Variants in SCMH1 observed in about 807,000 individuals in gnomAD.
SCMH1 encodes the protein polycomb protein SCMH1.
Under a neutral mutation model 70.8 loss-of-function variants are expected in SCMH1, and 37 were observed. That is an observed-to-expected ratio of 0.52 (90% CI 0.40 to 0.69). The LOEUF is 0.69. Among genes scored for constraint, SCMH1 ranks in the 30% least tolerant of loss-of-function variants. The probability of loss-of-function intolerance (pLI) is 0.00; values close to 1 mark genes in which losing one functional copy is unlikely to be tolerated. For synonymous variants in SCMH1, 292 were observed against 307.4 expected, an observed-to-expected ratio of 0.95 and a Z score of 0.52; for missense variants, 607 against 827.3, an observed-to-expected ratio of 0.73 and a Z score of 3.27.
At chr1:41,106,021 C>A (rs558051385) in intron 8 of SCMH1, among the ~76,000 whole-genome samples, 114 of 151,634 alleles carry the variant, frequency 7.5e-4, no homozygotes, top group Non-Finnish European at 1.3e-3. Context: ...ATTACAGGTG[C>A]ACGCCACCAT....
chr1:41,234,829 T>TTC (rs974311711), intron 1 of SCMH1, among the ~76,000 whole-genome samples: 2 of 152,102 alleles, frequency 1.3e-5, no homozygotes, highest in African/African-American at 4.8e-5. Flanking sequence ...TCAAAAGTCA[T>TTC]TCTCTCTCTC....
At chr1:41,129,122 G>A (rs1557574088) in intron 6 of SCMH1, among the ~76,000 whole-genome samples, 1 of 151,972 alleles carries the variant, frequency 6.6e-6, no homozygotes, top group African/African-American at 2.4e-5. Flanking sequence ...TCTATAATCT[G>A]TGTTATTTCT....
At chr1:41,239,033 T>C (rs537710752) in intron 1 of SCMH1, among the ~76,000 whole-genome samples, 1 of 152,306 alleles carries the variant, frequency 6.6e-6, no homozygotes, top group South Asian at 2.1e-4. Context: ...GATTCATTTC[T>C]TTCTCTTCAT....
intron 1 of SCMH1, among the ~76,000 whole-genome samples, chr1:41,201,968 G>A: frequency 6.6e-6 from 1 of 152,142 alleles, no homozygotes; most frequent in Non-Finnish European, 1.5e-5. Context: ...GAACTAGCAG[G>A]AACCAAGAGG....
intron 4 of SCMH1, among the ~76,000 whole-genome samples, chr1:41,159,295 A>G (rs1265692782): frequency 6.6e-6 from 1 of 152,214 alleles, no homozygotes; most frequent in Non-Finnish European, 1.5e-5. Flanking sequence ...GATATACTCT[A>G]TGTTAAATTG....
At chr1:41,101,254 T>A (rs1205850482) in intron 8 of SCMH1, among the ~76,000 whole-genome samples, 1 of 152,200 alleles carries the variant, frequency 6.6e-6, no homozygotes, top group Non-Finnish European at 1.5e-5. Context: ...TTAAAAGTGC[T>A]CCTTTGGGAG....
intron 9 of SCMH1, among the ~76,000 whole-genome samples, chr1:41,071,025 A>G (rs1656290943): frequency 1.3e-5 from 2 of 152,184 alleles, no homozygotes; most frequent in Non-Finnish European, 1.5e-5. Flanking sequence ...TTGGGCAGAC[A>G]AAAGCAAAAT....
chr1:41,130,798 C>T (rs1220479812), intron 6 of SCMH1, among the ~76,000 whole-genome samples: 1 of 152,168 alleles, frequency 6.6e-6, no homozygotes, highest in Non-Finnish European at 1.5e-5. Context: ...ACTCCCCATC[C>T]CCACTTCAAG....
intron 10 of SCMH1, among the ~76,000 whole-genome samples, chr1:41,057,780 A>G (rs1352743586): frequency 1.3e-5 from 2 of 152,170 alleles, no homozygotes; most frequent in Non-Finnish European, 2.9e-5. Context: ...GAGAGATGGA[A>G]ATTCCAAGAA....
chr1:41,134,655 A>T (rs1642979333), intron 6 of SCMH1, among the ~76,000 whole-genome samples: 1 of 152,194 alleles, frequency 6.6e-6, no homozygotes, highest in African/African-American at 2.4e-5. Context: ...ATTTTGACAA[A>T]GTCTACTCTA....
chr1:41,168,566 A>T (rs1460920225), intron 2 of SCMH1, among the ~76,000 whole-genome samples: 1 of 147,696 alleles, frequency 6.8e-6, no homozygotes, highest in Non-Finnish European at 1.5e-5. Flanking sequence ...GAACATCTTT[A>T]TAACCATTAT....
chr1:41,119,465 C>T (rs1304584567), intron 6 of SCMH1, among the ~76,000 whole-genome samples: 1 of 151,910 alleles, frequency 6.6e-6, no homozygotes, highest in Non-Finnish European at 1.5e-5. Context: ...AAAAAAAACC[C>T]CACCGTAACT....
At chr1:41,196,443 G>A (rs1653042204) in intron 1 of SCMH1, among the ~76,000 whole-genome samples, 1 of 152,070 alleles carries the variant, frequency 6.6e-6, no homozygotes, top group Non-Finnish European at 1.5e-5. Flanking sequence ...CATTTAATGG[G>A]AAAAGGACAC....
At chr1:41,158,889 A>G (rs1645789526) in intron 4 of SCMH1, among the ~76,000 whole-genome samples, 2 of 152,204 alleles carry the variant, frequency 1.3e-5, no homozygotes, top group African/African-American at 4.8e-5. Context: ...AAAATAGGCT[A>G]ACCCTGTTTC....
chr1:41,143,070 A>G (rs767050726), exon 6 of SCMH1: 15 of 1,613,952 alleles, frequency 9.3e-6, no homozygotes, highest in African/African-American at 1.3e-5. Flanking sequence ...TGTGCTTCCA[A>G]TTTCATACTG....
chr1:41,237,927 A>G (rs1388285534), intron 1 of SCMH1, among the ~76,000 whole-genome samples: 3 of 152,234 alleles, frequency 2.0e-5, no homozygotes, highest in Non-Finnish European at 4.4e-5. Context: ...TAAATGAAGG[A>G]AGAAAGGAAC....
chr1:41,036,262 C>T (rs1645279293), intron 13 of SCMH1, among the ~76,000 whole-genome samples: 2 of 152,194 alleles, frequency 1.3e-5, no homozygotes, highest in Admixed American at 1.3e-4. Context: ...TCTGCATAGC[C>T]ACTGCCTGTT....
intron 5 of SCMH1, among the ~76,000 whole-genome samples, chr1:41,143,703 A>G (rs561535098): frequency 4.6e-5 from 7 of 152,306 alleles, no homozygotes; most frequent in Non-Finnish European, 8.8e-5. Context: ...GAACATGGCC[A>G]TTATCCTCAA....
intron 8 of SCMH1, among the ~76,000 whole-genome samples, chr1:41,077,574 TA>T (rs1658709751): frequency 6.6e-6 from 1 of 152,044 alleles, no homozygotes; most frequent in Admixed American, 6.5e-5. Context: ...TGAGAGGTAA[TA>T]AAACTAAGCC....
Sources: allele counts gnomAD v4.1 joint callset (sites outside exome capture counted in the v4.1 genomes callset), GRCh38; gene constraint gnomAD v4.1.1; transcripts MANE v1.5; gene names NCBI Gene and HGNC (gene_info 2026-07-23, HGNC 2026-07-21).